The following COL5A2 variants were observed in gnomAD, a reference collection of about 807,000 sequenced individuals.
COL5A2 encodes collagen alpha-2(V) chain.
Under a neutral mutation model 208.2 loss-of-function variants are expected in COL5A2, and 23 were observed. The observed-to-expected ratio is 0.11, with a 90% CI of 0.08 to 0.16. The LOEUF is 0.16. Ranked by LOEUF, COL5A2 falls within the 10% of genes least tolerant of loss-of-function variation. The pLI is 1.00. For synonymous variants in COL5A2, 625 were observed against 628.5 expected, an observed-to-expected ratio of 0.99 and a Z score of 0.08; for missense variants, 1,590 against 1,956.4, an observed-to-expected ratio of 0.81 and a Z score of 3.53.
chr2:189,276,274 C>T, the COL5A2 span, among the ~76,000 whole-genome samples: 2 of 152,090 alleles, frequency 1.3e-5, no homozygotes, highest in South Asian at 2.1e-4. Flanking sequence ...CCAAATTAGG[C>T]GGTGTGTACT....
At chr2:189,396,507 A>G in the COL5A2 span, among the ~76,000 whole-genome samples, 1 of 151,422 alleles carries the variant, frequency 6.6e-6, no homozygotes, top group Non-Finnish European at 1.5e-5. Flanking sequence ...CCCCGTCTCT[A>G]CTAAAAATAC....
chr2:189,144,680 AGAT>A (rs979978212), intron 1 of COL5A2, among the ~76,000 whole-genome samples: 10 of 152,104 alleles, frequency 6.6e-5, no homozygotes, highest in African/African-American at 9.7e-5. Flanking sequence ...TGAACTGGGA[AGAT>A]GATAAGTGCT....
At chr2:189,381,923 T>C in the COL5A2 span, among the ~76,000 whole-genome samples, 3 of 152,100 alleles carry the variant, frequency 2.0e-5, no homozygotes, top group African/African-American at 7.2e-5. Flanking sequence ...CCCTTTATTA[T>C]TGTGTCATTA....
the COL5A2 span, among the ~76,000 whole-genome samples, chr2:189,298,698 G>A: frequency 6.6e-6 from 1 of 152,138 alleles, no homozygotes; most frequent in African/African-American, 2.4e-5. Context: ...CTTCTGGTAG[G>A]AACCTCCATT....
chr2:189,164,418 T>C (rs1383988922), intron 1 of COL5A2, among the ~76,000 whole-genome samples: 2 of 152,114 alleles, frequency 1.3e-5, no homozygotes, highest in Admixed American at 6.5e-5. Context: ...TTTTTTACTA[T>C]TTAATTCCTA....
chr2:189,153,777 G>C (rs1688191750), intron 1 of COL5A2, among the ~76,000 whole-genome samples: 1 of 151,890 alleles, frequency 6.6e-6, no homozygotes, highest in Non-Finnish European at 1.5e-5. Flanking sequence ...TCTTACATCA[G>C]TGCTTCACAT....
the COL5A2 span, among the ~76,000 whole-genome samples, chr2:189,345,729 G>T: frequency 6.6e-6 from 1 of 152,170 alleles, no homozygotes; most frequent in Non-Finnish European, 1.5e-5. Flanking sequence ...TTCAAATAGA[G>T]AAGGGGCAAG....
chr2:189,187,011 C>T (rs767979391), intron 1 of COL5A2, among the ~76,000 whole-genome samples: 2 of 152,100 alleles, frequency 1.3e-5, no homozygotes, highest in Non-Finnish European at 2.9e-5. Context: ...TTGCATTTTA[C>T]ATTTTAGAAT....
At chr2:189,405,104 C>T in the COL5A2 span, among the ~76,000 whole-genome samples, 2 of 151,890 alleles carry the variant, frequency 1.3e-5, no homozygotes, top group African/African-American at 4.8e-5. Flanking sequence ...ACAGAAAGTT[C>T]TTTATAGGCA....
chr2:189,124,217 A>G (rs1207945809), intron 1 of COL5A2, among the ~76,000 whole-genome samples: 2 of 152,140 alleles, frequency 1.3e-5, no homozygotes, highest in Non-Finnish European at 2.9e-5. Context: ...TTCATTTCCC[A>G]ACTCTAAATG....
At chr2:189,074,596 C>T (rs1028739228) in intron 17 of COL5A2, among the ~76,000 whole-genome samples, 1 of 152,180 alleles carries the variant, frequency 6.6e-6, no homozygotes, top group Non-Finnish European at 1.5e-5. Flanking sequence ...TCTTGCATAT[C>T]TAATCACGAA....
At chr2:189,205,738 TG>T (rs749704588) in intron 1 of COL5A2, among the ~76,000 whole-genome samples, 5 of 152,244 alleles carry the variant, frequency 3.3e-5, no homozygotes, top group Non-Finnish European at 7.3e-5. Context: ...TTTAATTTCT[TG>T]TGATTCCTAT....
chr2:189,161,052 T>G (rs1054116597), intron 1 of COL5A2, among the ~76,000 whole-genome samples: 1 of 151,288 alleles, frequency 6.6e-6, no homozygotes, highest in Non-Finnish European at 1.5e-5. Context: ...ACTCCCAACC[T>G]CAGGTGATCT....
chr2:189,057,455 T>C (rs1470541795), intron 33 of COL5A2, 28 bp from the exon 34 acceptor site: 1 of 1,479,914 alleles, frequency 6.8e-7, no homozygotes, highest in Non-Finnish European at 9.5e-7. Context: ...TAAGTGACCA[T>C]ACCAATAATA....
chr2:189,086,767 G>C lies in COL5A2; in HGVS notation c.649C>G (p.Pro217Ala). The C allele has an allele frequency of 6.3e-7, 1 of 1,580,732 alleles. No homozygotes were observed. The highest frequency in any genetic ancestry group is 1.3e-5 in the African/African-American group (1 of 74,592). Reference protein sequence around the residue: ...QVGLMPGSVGPVGPRGPQGLQ... With the variant: ...QVGLMPGSVGAVGPRGPQGLQ... The stretch of plus-strand genomic sequence containing the variant: ...CCCTGTGGTCCCCTTGGGCCAACAG[G>C]ACCCTTAAAAACAAATGAGGAGAAA... Residue 217 changes from proline to alanine, a missense_variant, in exon 9 of 54, where the codon CCT becomes GCT. Coordinates refer to ENST00000374866, the MANE Select transcript of COL5A2 (RefSeq NM_000393.5).
rs921420424 is a variant in COL5A2 at position 189,078,636 on chromosome 2, C to A, written c.1006-67G>T. Reference sequence around the variant, plus strand: ...TTGAAATGTAGAGTAGTCTGACTACCCCACTCAATCCAATTGAGATTCAAG... The same window carrying A: ...TTGAAATGTAGAGTAGTCTGACTACACCACTCAATCCAATTGAGATTCAAG... On this transcript the variant is annotated intron_variant, in intron 15 of 53. Coordinates refer to ENST00000374866, the MANE Select transcript of COL5A2 (RefSeq NM_000393.5). 5.0e-6 allele frequency: 6 copies of A among 1,192,106 alleles called. No homozygotes were observed. The East Asian group carries it at 7.0e-5, about 14-fold the overall frequency. 73.8% of individuals were successfully genotyped at this position (1,192,106 alleles called of 1,614,324 possible).
intron 3 of COL5A2, among the ~76,000 whole-genome samples, chr2:189,103,515 C>T (rs1410940814): frequency 6.6e-6 from 1 of 152,026 alleles, no homozygotes; most frequent in Non-Finnish European, 1.5e-5. Context: ...GTGCCCATCT[C>T]ATTTGGATAC....
chr2:189,325,099 T>C, the COL5A2 span, among the ~76,000 whole-genome samples: 255 of 150,918 alleles, frequency 1.7e-3, 4 homozygotes, highest in African/African-American at 5.7e-3. Context: ...TGCTCACTCA[T>C]AGGTGGGAAT....
At position 189,056,974 on chromosome 2, in the gene COL5A2, C is replaced by T; in HGVS notation, c.2390G>A (p.Arg797Lys). Reference sequence around the variant, plus strand: ...TAGAAAAGGAATACTTTCACTTACTCTTGCACCATCATTTCCAGCTGTGCC... The same window carrying T: ...TAGAAAAGGAATACTTTCACTTACTTTTGCACCATCATTTCCAGCTGTGCC... ...AEGTAGNDGA[R>K]GLPGPLGPPG... Residue 797 changes from arginine to lysine, a missense_variant and splice_region_variant, in exon 35 of 54, where the codon AGA becomes AAA. Arg to Lys is a conservative substitution (Grantham distance 26, BLOSUM62 2). Coordinates refer to ENST00000374866, the MANE Select transcript of COL5A2 (RefSeq NM_000393.5). The T allele has an allele frequency of 6.2e-7, 1 of 1,614,008 alleles. No individual in the cohort carries two copies. Among genetic ancestry groups the T allele is most frequent in the Non-Finnish European group, 8.5e-7 (1 of 1,179,948 alleles).
Sources: allele counts gnomAD v4.1 joint callset (sites outside exome capture counted in the v4.1 genomes callset), GRCh38; gene constraint gnomAD v4.1.1; transcripts MANE v1.5; gene names NCBI Gene and HGNC (gene_info 2026-07-23, HGNC 2026-07-21).